The following WDR7 variants were observed in gnomAD, a reference collection of about 807,000 sequenced individuals.
WDR7 encodes WD repeat-containing protein 7.
WDR7 carries 46 observed loss-of-function variants against 169.4 expected under a neutral mutation model. The ratio of observed to expected loss-of-function variants is 0.27; its 90% CI spans 0.21 to 0.35. WDR7 has a LOEUF of 0.35. WDR7 is among the 10% of genes least tolerant of loss of function. The pLI is 1.00. For synonymous variants in WDR7, 612 were observed against 666.8 expected (o/e 0.92, Z 1.27); for missense variants, 1,534 against 1,859.3 (o/e 0.83, Z 3.22).
At chr18:56,734,090 A>G (rs765381801) in intron 14 of WDR7, among the ~76,000 whole-genome samples, 1 of 152,104 alleles carries the variant, frequency 6.6e-6, no homozygotes, top group Non-Finnish European at 1.5e-5. Context: ...TTAGATGTGG[A>G]GCATTCATTA....
At chr18:56,769,060 T>G (rs2044111653) in intron 16 of WDR7, among the ~76,000 whole-genome samples, 1 of 152,216 alleles carries the variant, frequency 6.6e-6, no homozygotes, top group Admixed American at 6.5e-5. Context: ...TTATTGTCAC[T>G]TGTCTACTTT....
chr18:56,689,108 A>G (rs1384164865), intron 7 of WDR7, among the ~76,000 whole-genome samples: 2 of 152,240 alleles, frequency 1.3e-5, no homozygotes, highest in African/African-American at 4.8e-5. Context: ...AACTTCACTA[A>G]TCATCATATT....
intron 26 of WDR7, among the ~76,000 whole-genome samples, chr18:57,010,726 C>T (rs2048123998): frequency 6.6e-6 from 1 of 151,966 alleles, no homozygotes; most frequent in Non-Finnish European, 1.5e-5. Context: ...AAATATTGGG[C>T]CTAATAAATC....
Position 56,922,099 on chromosome 18 carries a change from G to C in WDR7, c.3527-1823G>C, listed in dbSNP as rs141743923. Among the ~76,000 whole-genome samples the C allele has an allele frequency of 9.2e-5, 14 of 152,260 alleles. No homozygotes were observed. In the East Asian group the frequency reaches 2.7e-3, roughly 29 times the overall value. On this transcript the variant is annotated intron_variant, in intron 21 of 27. Coordinates refer to ENST00000254442, the MANE Select transcript of WDR7 (RefSeq NM_015285.3). ...AGGATGTCTGCAGAGAATAGCAGCT[G>C]GAGTTTTTCTGTAGCTCTTATGACT...
chr18:56,926,080 C>G (rs553689520), intron 22 of WDR7, among the ~76,000 whole-genome samples: 101 of 152,272 alleles, frequency 6.6e-4, no homozygotes, highest in African/African-American at 2.4e-3. Context: ...TTCAGCAGAT[C>G]AAGAGCTGCC....
intron 21 of WDR7, among the ~76,000 whole-genome samples, chr18:56,907,946 G>A (rs556559577): frequency 2.0e-5 from 3 of 152,304 alleles, no homozygotes; most frequent in Admixed American, 2.0e-4. Flanking sequence ...GATGTGGTAG[G>A]TGGGACCGAA....
Position 56,777,573 on chromosome 18 carries a change from T to C in WDR7, c.2947+693T>C, listed in dbSNP as rs536178194. Among the ~76,000 whole-genome samples, 12 of 152,278 alleles carry C rather than the reference T, an allele frequency of 7.9e-5. No individual in the cohort carries two copies. In the South Asian group the frequency reaches 2.5e-3, roughly 32 times the overall value. Reference sequence around the variant, plus strand: ...AGGATTATTTGTACTGCCCAGAAGCTTAATGAAACGTGAGCTCTGAGTTAC... The same window carrying C: ...AGGATTATTTGTACTGCCCAGAAGCCTAATGAAACGTGAGCTCTGAGTTAC... On this transcript the variant is annotated intron_variant, in intron 17 of 27. Coordinates refer to ENST00000254442, the MANE Select transcript of WDR7 (RefSeq NM_015285.3).
chr18:56,773,576 T>C (rs548511449), intron 16 of WDR7, among the ~76,000 whole-genome samples: 6 of 152,252 alleles, frequency 3.9e-5, no homozygotes, highest in South Asian at 4.1e-4. Context: ...ATTGGAGATA[T>C]GATATATTAT....
chr18:56,674,621 G>GT (rs1385901444), intron 2 of WDR7, among the ~76,000 whole-genome samples: 1 of 151,990 alleles, frequency 6.6e-6, no homozygotes, highest in Non-Finnish European at 1.5e-5. Flanking sequence ...TTTATCAGTT[G>GT]TTTTTTCACT....
intron 20 of WDR7, among the ~76,000 whole-genome samples, chr18:56,870,294 C>T (rs2045936024): frequency 6.6e-6 from 1 of 151,786 alleles, no homozygotes. Context: ...TGTACTTTAT[C>T]CCTACTTTAA....
intron 14 of WDR7, among the ~76,000 whole-genome samples, chr18:56,745,751 G>A (rs1019179452): frequency 1.3e-5 from 2 of 152,084 alleles, no homozygotes; most frequent in African/African-American, 4.8e-5. Flanking sequence ...TTTATAAATA[G>A]CAAAATATAA....
rs1030617776 is a variant in WDR7 at position 56,782,926 on chromosome 18, T to G, written c.3190+1270T>G. ...AGGGTTATTATGTGTGTGGCATGAG[T>G]TAATCTTTGTTAAGTGCGTAGAACA... On this transcript the variant is annotated intron_variant, in intron 19 of 27. Coordinates refer to ENST00000254442, the MANE Select transcript of WDR7 (RefSeq NM_015285.3). Among the ~76,000 whole-genome samples the G allele has an allele frequency of 3.3e-5, 5 of 152,218 alleles. No individual in the cohort carries two copies. In the East Asian group the frequency reaches 9.6e-4, roughly 29 times the overall value.
At chr18:56,781,725 T>C (rs2044321280) in intron 19 of WDR7, 69 bp downstream of exon 19, 5 of 1,381,898 alleles carry the variant, frequency 3.6e-6, no homozygotes, top group Non-Finnish European at 4.7e-6. Flanking sequence ...TACTCACAAA[T>C]ATATATGCTA....
At position 56,935,869 on chromosome 18, in the gene WDR7, C is replaced by T; in HGVS notation, c.3795C>T (p.Ala1265=). 6.2e-7 allele frequency: 1 copy of T among 1,614,188 alleles called. No homozygotes were observed. The highest frequency in any genetic ancestry group is 2.2e-5 in the East Asian group (1 of 44,884). Residue 1265 remains alanine, a synonymous_variant, in exon 23 of 28, where the codon GCC becomes GCT. Coordinates refer to ENST00000254442, the MANE Select transcript of WDR7 (RefSeq NM_015285.3). ...ATGCCCTCTCGCTCATTGCCACCGC[C>T]AGACCACCCGCCTTCATCACCACCA... is the stretch of plus-strand genomic sequence containing the variant. The part of the protein sequence containing the change: ...ARHALSLIAT[A]RPPAFITTIA...
At chr18:56,792,059 G>A (rs942844803) in intron 19 of WDR7, among the ~76,000 whole-genome samples, 24 of 151,676 alleles carry the variant, frequency 1.6e-4, no homozygotes, top group Non-Finnish European at 2.9e-4. Flanking sequence ...GCTCTGTCAC[G>A]AAGGCTGGAG....
At chr18:57,016,274 A>G (rs2048206557) in intron 26 of WDR7, among the ~76,000 whole-genome samples, 1 of 152,104 alleles carries the variant, frequency 6.6e-6, no homozygotes, top group Non-Finnish European at 1.5e-5. Context: ...GCATTTTTCC[A>G]GTTTATGTTA....
At chr18:57,020,959 T>C in intron 27 of WDR7, 110 bp downstream of exon 27, 2 of 883,852 alleles carry the variant, frequency 2.3e-6, no homozygotes, top group South Asian at 1.6e-5. Flanking sequence ...CCTCCCTCCC[T>C]CCTTGCAGCA....
chr18:56,904,964 TAAG>T (rs2046456746), intron 21 of WDR7, among the ~76,000 whole-genome samples: 1 of 152,060 alleles, frequency 6.6e-6, no homozygotes, highest in Non-Finnish European at 1.5e-5. Flanking sequence ...GTTACAAACA[TAAG>T]AAGAAAGTAG....
chr18:56,803,369 C>T (rs191201163), intron 19 of WDR7, among the ~76,000 whole-genome samples: 2 of 152,060 alleles, frequency 1.3e-5, no homozygotes, highest in Non-Finnish European at 2.9e-5. Context: ...GGTTAAGAGT[C>T]AAAAGCGTTC....
Sources: allele counts gnomAD v4.1 joint callset (sites outside exome capture counted in the v4.1 genomes callset), GRCh38; gene constraint gnomAD v4.1.1; transcripts MANE v1.5; gene names NCBI Gene and HGNC (gene_info 2026-07-23, HGNC 2026-07-21).